The following ST7L variants were observed in gnomAD, a reference collection of about 807,000 sequenced individuals.
ST7L encodes suppressor of tumorigenicity 7 protein-like.
In ST7L, 57 loss-of-function variants were observed where a neutral mutation model predicts 72.5. The ratio of observed to expected loss-of-function variants is 0.79; its 90% CI spans 0.64 to 0.98. ST7L has a LOEUF of 0.98. Among genes scored for constraint, ST7L ranks in the 50% least tolerant of loss-of-function variants. ST7L has a pLI of 0.00. For synonymous variants in ST7L, 221 were observed against 240.9 expected (o/e 0.92, Z 0.77); for missense variants, 576 against 672.2 (o/e 0.86, Z 1.58).
At position 112,526,005 on chromosome 1, in the gene ST7L, T is replaced by C. The variant is rs1451345052; in HGVS notation, c.*8A>G. On this transcript the variant is annotated 3_prime_UTR_variant, in exon 15 of 15. Coordinates refer to ENST00000358039, the MANE Select transcript of ST7L (RefSeq NM_017744.5). ...GATTTGTCCAAGGTCACATGAACAG[T>C]GCGTGGCTCAGCCAGAACTCAAACC... 1.2e-6 allele frequency: 2 copies of C among 1,613,982 alleles called. No individual in the cohort carries two copies. The highest frequency in any genetic ancestry group is 1.7e-6 in the Non-Finnish European group (2 of 1,179,974).
intron 3 of ST7L, among the ~76,000 whole-genome samples, chr1:112,609,997 T>C (rs567947599): frequency 1.4e-4 from 21 of 152,220 alleles, no homozygotes; most frequent in African/African-American, 4.1e-4. Context: ...GCTGTTTCTG[T>C]TCTCTCCTTT....
downstream of ST7L, chr1:112,523,103 A>T (rs1652966832): frequency 6.6e-6 from 1 of 152,188 alleles, no homozygotes; most frequent in Admixed American, 6.5e-5. Context: ...CACATAAATA[A>T]TGGCATATGC....
intron 1 of ST7L, among the ~76,000 whole-genome samples, chr1:112,617,708 TTCTCTC>T (rs71677646): frequency 1.3e-3 from 151 of 117,728 alleles, no homozygotes; most frequent in African/African-American, 5.7e-3. Flanking sequence ...CTGTCTGTCT[TTCTCTC>T]TCTCACACAC....
rs138705903 is a variant in ST7L at position 112,617,908 on chromosome 1, A to G, written c.205+1001T>C. On this transcript the variant is annotated intron_variant, in intron 1 of 14. Transcript: ENST00000358039. ...TCATTCACCTGTTACAGAGATGCCA[A>G]ATTAGCTCTTCAGTTTAGCTTATTT... 1,277 of 1,035,850 alleles carry G rather than the reference A, an allele frequency of 1.2e-3. 12 individuals carry two copies. The African/African-American group carries it at 0.016, about 13-fold the overall frequency. 64.2% of individuals were successfully genotyped at this position (1,035,850 alleles called of 1,614,324 possible). A position where few individuals can be genotyped will look rare whatever the true frequency, so the allele number is the denominator to read the frequency against.
At chr1:112,593,287 AT>A (rs886971792) in intron 5 of ST7L, among the ~76,000 whole-genome samples, 2 of 152,058 alleles carry the variant, frequency 1.3e-5, no homozygotes, top group Non-Finnish European at 2.9e-5. Context: ...AAATGTATAT[AT>A]TTTTTTCTAA....
Position 112,600,435 on chromosome 1 carries a change from T to TA in ST7L, c.506+358dup, listed in dbSNP as rs566455639. 2.0e-3 allele frequency among the ~76,000 whole-genome samples: 291 copies of TA among 147,482 alleles called. 2 individuals carry two copies. Among genetic ancestry groups the TA allele is most frequent in the South Asian group, 7.9e-3 (37 of 4,700 alleles). ...CTTTCTTAATAAACTGGCTTTCACT[T>TA]AAAAAAAAAAATTAGCTGGATGTGG... On this transcript the variant is annotated intron_variant, in intron 4 of 14. Coordinates refer to ENST00000358039, the MANE Select transcript of ST7L (RefSeq NM_017744.5).
At chr1:112,563,861 A>G (rs1164098391) in intron 11 of ST7L, among the ~76,000 whole-genome samples, 1 of 152,192 alleles carries the variant, frequency 6.6e-6, no homozygotes, top group African/African-American at 2.4e-5. Flanking sequence ...ATCTTACAAC[A>G]GCTTTTGACC....
At chr1:112,519,489 G>A (rs187441977), downstream of ST7L, among the ~76,000 whole-genome samples, 1 of 152,106 alleles carries the variant, frequency 6.6e-6, no homozygotes, top group African/African-American at 2.4e-5. Flanking sequence ...TCATCCAAAA[G>A]TCTATTGATT....
chr1:112,568,860 A>AT (rs1491327439), intron 11 of ST7L, among the ~76,000 whole-genome samples: 3,769 of 92,336 alleles, frequency 0.041, 75 homozygotes, highest in Admixed American at 0.1. Flanking sequence ...ATATAAATAT[A>AT]AATATATATA....
At position 112,591,609 on chromosome 1, in the gene ST7L, GA is replaced by G; in HGVS notation, c.623-7del. The G allele has an allele frequency of 6.3e-7, 1 of 1,595,778 alleles. No individual in the cohort carries two copies. Among genetic ancestry groups the G allele is most frequent in the South Asian group, 1.1e-5 (1 of 87,630 alleles). The stretch of plus-strand genomic sequence containing the variant: ...CCTCCAAGCCTTCTGCATAACTGTA[GA>G]AAAAAATTCCATAAAATAGATGAGA... On this transcript the variant is annotated splice_region_variant and splice_polypyrimidine_tract_variant and intron_variant, in intron 5 of 14. Transcript: ENST00000358039.
chr1:112,609,506 G>A (rs1668747318), intron 3 of ST7L, among the ~76,000 whole-genome samples: 2 of 151,032 alleles, frequency 1.3e-5, no homozygotes, highest in Admixed American at 1.3e-4. Flanking sequence ...ACTCTAGCCT[G>A]GGCTACAGAG....
chr1:112,582,365 AT>A lies in ST7L; in HGVS notation c.954+9del. 1 of 1,577,110 alleles carries A rather than the reference AT, an allele frequency of 6.3e-7. No homozygotes were observed. Among genetic ancestry groups the A allele is most frequent in the Non-Finnish European group, 8.7e-7 (1 of 1,150,212 alleles). ...AATAAATGTAATAGTCCCATCATCA[AT>A]TTACTTACATCTCTCATTATTTTTA... On this transcript the variant is annotated intron_variant, in intron 8 of 14. Coordinates refer to ENST00000358039, the MANE Select transcript of ST7L (RefSeq NM_017744.5).
intron 11 of ST7L, chr1:112,570,725 G>C (rs1403353121): frequency 4.4e-6 from 2 of 454,908 alleles, no homozygotes; most frequent in African/African-American, 4.0e-5. Context: ...AGGAGAAAAA[G>C]AGGGTCTGTA....
chr1:112,605,689 CAA>C (rs533526835), intron 3 of ST7L, among the ~76,000 whole-genome samples: 3 of 142,744 alleles, frequency 2.1e-5, no homozygotes, highest in Non-Finnish European at 3.1e-5. Context: ...GACTCTGTCT[CAA>C]AAAAAAAAAA....
At position 112,576,993 on chromosome 1, in the gene ST7L, A is replaced by C. The variant is rs1663203900; in HGVS notation, c.1238T>G (p.Val413Gly). 1.3e-6 allele frequency: 2 copies of C among 1,597,270 alleles called. No homozygotes were observed. Among genetic ancestry groups the C allele is most frequent in the Admixed American group, 3.4e-5 (2 of 58,758 alleles). ...IHRAVEFNPH[V>G]PKYLLEMKSL... The stretch of plus-strand genomic sequence containing the variant: ...TATCATAAAATTTCTCACTTTTGGA[A>C]CATGAGGATTAAATTCCACAGCTCT... Residue 413 changes from valine to glycine, a missense_variant, in exon 11 of 15, where the codon GTT becomes GGT. Transcript: ENST00000358039.
rs1449802236 is a variant in ST7L at position 112,545,297 on chromosome 1, C to CTTA, written c.1490-3210_1490-3208dup. ...GCTTGCCAAGAATAAACTGTCTGGT[C>CTTA]TTATAGCTTACAGCTTTGACAACAT... On this transcript the variant is annotated intron_variant, in intron 13 of 14. Transcript: ENST00000358039. Among the ~76,000 whole-genome samples, 4 of 152,114 alleles carry CTTA rather than the reference C, an allele frequency of 2.6e-5. No homozygotes were observed. The East Asian group carries it at 5.8e-4, about 22-fold the overall frequency.
At chr1:112,599,073 A>AAAAAAAATATATATAT (rs1190968815) in intron 4 of ST7L, among the ~76,000 whole-genome samples, 1 of 56,998 alleles carries the variant, frequency 1.8e-5, no homozygotes, top group African/African-American at 6.8e-5. Context: ...AAAAAAAAAA[A>AAAAAAAATATATATAT]ATATATATAT....
At position 112,606,840 on chromosome 1, in the gene ST7L, T is replaced by C. The variant is rs571245114; in HGVS notation, c.451+4001A>G. Among the ~76,000 whole-genome samples the C allele has an allele frequency of 7.2e-5, 11 of 152,268 alleles. No individual in the cohort carries two copies. In the South Asian group the frequency reaches 1.2e-3, roughly 17 times the overall value. Reference sequence around the variant, plus strand: ...TGGCAGAGAGACAGCAATCCCTCTCTTCTTCTTACAAAGCCATCAATACTA... The same window carrying C: ...TGGCAGAGAGACAGCAATCCCTCTCCTCTTCTTACAAAGCCATCAATACTA... On this transcript the variant is annotated intron_variant, in intron 3 of 14. Coordinates refer to ENST00000358039, the MANE Select transcript of ST7L (RefSeq NM_017744.5).
intron 9 of ST7L, among the ~76,000 whole-genome samples, chr1:112,579,380 T>TAAAAAAAAAAAAAAAAAAAAAAAA (rs34252016): frequency 1.0e-5 from 1 of 96,796 alleles, no homozygotes; most frequent in South Asian, 3.6e-4. Flanking sequence ...CGAGACTCTG[T>TAAAAAAAAAAAAAAAAAAAAAAAA]AAAAAAAAAA....
Sources: allele counts gnomAD v4.1 joint callset (sites outside exome capture counted in the v4.1 genomes callset), GRCh38; gene constraint gnomAD v4.1.1; transcripts MANE v1.5; gene names NCBI Gene and HGNC (gene_info 2026-07-23, HGNC 2026-07-21).